GGTA1: variants seen among roughly 807,000 people sequenced by gnomAD.
GGTA1 encodes glycoprotein alpha-galactosyltransferase 1 (inactive), also known as inactive N-acetyllactosaminide alpha-1,3-galactosyltransferase.
In GGTA1, 5 loss-of-function variants were observed where a neutral mutation model predicts 2.6. That is an observed-to-expected ratio of 1.92 (90% CI 1.00 to 4.04). GGTA1 has a LOEUF of 4.04. Among genes scored for constraint, GGTA1 ranks in the 30% most tolerant of loss-of-function variants. GGTA1 has a pLI of 0.00. For missense variants in GGTA1, 50 were observed against 16.7 expected (o/e 2.99, Z -3.47); for synonymous variants, 17 against 5.0 (o/e 3.38, Z -3.19).
At chr9:121,448,490 T>A (rs561018069) in intron 7 of GGTA1, among the ~76,000 whole-genome samples, 184 of 152,246 alleles carry the variant, frequency 1.2e-3, no homozygotes, top group South Asian at 2.3e-3. Context: ...TACTAGTCCA[T>A]CCGAATACTA....
At chr9:121,448,759 C>T (rs773896355) in intron 7 of GGTA1, among the ~76,000 whole-genome samples, 29 of 152,146 alleles carry the variant, frequency 1.9e-4, no homozygotes, top group Admixed American at 3.3e-4. Context: ...CCTCCACTAT[C>T]AACATCCCTG....
chr9:121,482,644 C>T (rs527246859), intron 1 of GGTA1, among the ~76,000 whole-genome samples: 16 of 152,284 alleles, frequency 1.1e-4, no homozygotes, highest in Admixed American at 8.5e-4. Flanking sequence ...TAGTGGGCGC[C>T]TGCAATCCCA....
At chr9:121,484,503 C>T (rs1377028776) in intron 1 of GGTA1, among the ~76,000 whole-genome samples, 4 of 152,050 alleles carry the variant, frequency 2.6e-5, no homozygotes, top group South Asian at 2.1e-4. Context: ...AGGCTGGTCT[C>T]GAACTCCTGA....
intron 1 of GGTA1, among the ~76,000 whole-genome samples, chr9:121,478,481 G>A (rs373836047): frequency 1.7e-4 from 26 of 152,306 alleles, no homozygotes; most frequent in African/African-American, 6.3e-4. Context: ...TGCCTCCCAG[G>A]CCCAGCCCTT....
chr9:121,459,512 G>T (rs1164725346), intron 5 of GGTA1, among the ~76,000 whole-genome samples: 1 of 152,156 alleles, frequency 6.6e-6, no homozygotes, highest in Non-Finnish European at 1.5e-5. Context: ...ATACCTCATT[G>T]CACATCTCCA....
At chr9:121,480,061 C>CTTTTCTTTTCTTTTTTTTTTTTTTTTTTT (rs58602847) in intron 1 of GGTA1, among the ~76,000 whole-genome samples, 1 of 139,828 alleles carries the variant, frequency 7.2e-6, no homozygotes, top group Non-Finnish European at 1.5e-5. Flanking sequence ...CTTTTCTTTT[C>CTTTTCTTTTCTTTTTTTTTTTTTTTTTTT]TTTTTTTTTT....
chr9:121,475,492 C>T (rs1156563353), intron 1 of GGTA1, among the ~76,000 whole-genome samples: 1 of 152,160 alleles, frequency 6.6e-6, no homozygotes, highest in Non-Finnish European at 1.5e-5. Flanking sequence ...TCCAAGAACC[C>T]TCTCTTGGGG....
chr9:121,454,237 T>C (rs2064893698), downstream of GGTA1, among the ~76,000 whole-genome samples: 1 of 152,346 alleles, frequency 6.6e-6, no homozygotes, highest in Non-Finnish European at 1.5e-5. Context: ...AAGAAGCTAC[T>C]GTGCACTCTG....
At chr9:121,479,384 C>T (rs1828585895) in intron 1 of GGTA1, 1 of 320,336 alleles carries the variant, frequency 3.1e-6, no homozygotes, top group Non-Finnish European at 6.1e-6. Flanking sequence ...TAGACAGAGC[C>T]CTCAGCAGCC....
chr9:121,466,840 C>G (rs2065008131), intron 2 of GGTA1, among the ~76,000 whole-genome samples: 2 of 151,760 alleles, frequency 1.3e-5, no homozygotes, highest in Non-Finnish European at 2.9e-5. Context: ...GTAATCACAG[C>G]TACTCAGGAG....
intron 1 of GGTA1, among the ~76,000 whole-genome samples, chr9:121,473,674 C>T (rs1218089893): frequency 6.6e-6 from 1 of 151,892 alleles, no homozygotes; most frequent in Admixed American, 6.6e-5. Context: ...GCTTGTAATC[C>T]CAGCACTTTG....
intron 3 of GGTA1, 45 bp downstream of exon 3, chr9:121,463,248 G>T (rs1250989554): frequency 4.4e-6 from 2 of 454,606 alleles, no homozygotes; most frequent in African/African-American, 4.0e-5. Context: ...TGCCAGAGTG[G>T]CTGTGGGAAA....
chr9:121,471,882 A>G (rs1828396926), intron 1 of GGTA1, among the ~76,000 whole-genome samples: 1 of 152,222 alleles, frequency 6.6e-6, no homozygotes, highest in African/African-American at 2.4e-5. Flanking sequence ...GTGCTGGAAA[A>G]GTCTTAGTTT....
rs151215995 is a variant in GGTA1 at position 121,471,931 on chromosome 9, C to T, written c.-9-4000G>A. Among the ~76,000 whole-genome samples the T allele has an allele frequency of 1.1e-3, 173 of 152,314 alleles. 2 individuals carry two copies. The highest frequency in any genetic ancestry group is 1.4e-3 in the Non-Finnish European group (94 of 68,022). The stretch of plus-strand genomic sequence containing the variant: ...CTAAGGCTGTGGCCACCTCTCTGTG[C>T]CGATGTCCTCACTTCCAGAGAAGTG... On this transcript the variant is annotated intron_variant, in intron 1 of 5. Transcript: ENST00000481799.
intron 7 of GGTA1, among the ~76,000 whole-genome samples, chr9:121,448,065 T>C (rs1427736359): frequency 6.6e-6 from 1 of 152,212 alleles, no homozygotes; most frequent in Non-Finnish European, 1.5e-5. Flanking sequence ...TTTCTAACTC[T>C]GGGGGTTACA....
intron 1 of GGTA1, among the ~76,000 whole-genome samples, chr9:121,477,485 T>A (rs576115607): frequency 1.3e-5 from 2 of 152,188 alleles, no homozygotes; most frequent in Admixed American, 6.6e-5. Context: ...ATATTTGGAA[T>A]GTTTGTCAGT....
intron 7 of GGTA1, among the ~76,000 whole-genome samples, chr9:121,449,328 GGATC>G (rs1259417109): frequency 1.3e-5 from 2 of 152,166 alleles, no homozygotes; most frequent in African/African-American, 4.8e-5. Flanking sequence ...TACGATTGCT[GGATC>G]GTGTGGTAAG....
At chr9:121,499,470 C>T (rs1448838013) in intron 1 of GGTA1, among the ~76,000 whole-genome samples, 180 bp downstream of exon 1, 3 of 152,270 alleles carry the variant, frequency 2.0e-5, no homozygotes, top group East Asian at 1.9e-4. Context: ...AAACTGGGTC[C>T]GATTTGGCAC....
intron 4 of GGTA1, among the ~76,000 whole-genome samples, chr9:121,460,537 G>A (rs897609835): frequency 1.3e-5 from 2 of 152,138 alleles, no homozygotes; most frequent in Admixed American, 6.6e-5. Flanking sequence ...GTTTATGATT[G>A]TCTTTCCTGC....
Sources: gnomAD v4.1 joint callset for allele counts (sites outside exome capture counted in the v4.1 genomes callset) on GRCh38, gnomAD v4.1.1 for gene constraint, MANE v1.5 for transcripts, NCBI Gene and HGNC (gene_info 2026-07-23, HGNC 2026-07-21) for gene names.